The following IGSF10 variants were observed in gnomAD, a reference collection of about 807,000 sequenced individuals.
IGSF10 encodes immunoglobulin superfamily member 10, also known as calvaria mechanical force protein 608.
A neutral mutation model predicts 128.2 loss-of-function variants in IGSF10; 126 were observed. That is an observed-to-expected ratio of 0.98 (90% CI 0.85 to 1.14). IGSF10 has a LOEUF of 1.14. Among genes scored for constraint, IGSF10 ranks in the 50% most tolerant of loss-of-function variants. IGSF10 has a pLI of 0.00. For missense variants in IGSF10, 3,295 were observed against 3,149.8 expected, an observed-to-expected ratio of 1.05 and a Z score of -1.10; for synonymous variants, 1,185 against 1,146.2, an observed-to-expected ratio of 1.03 and a Z score of -0.68.
chr3:151,517,577 G>A, the IGSF10 span, among the ~76,000 whole-genome samples: 25 of 151,938 alleles, frequency 1.6e-4, no homozygotes, highest in Non-Finnish European at 4.4e-5. Context: ...TGTAACCTGT[G>A]AATGATATGC....
At chr3:151,583,343 C>T in the IGSF10 span, among the ~76,000 whole-genome samples, 3 of 152,138 alleles carry the variant, frequency 2.0e-5, no homozygotes, top group South Asian at 6.2e-4. Flanking sequence ...AGATTTTCCA[C>T]TAAGCATAGT....
At chr3:151,616,910 C>G in the IGSF10 span, among the ~76,000 whole-genome samples, 5 of 152,062 alleles carry the variant, frequency 3.3e-5, no homozygotes, top group Non-Finnish European at 5.9e-5. Flanking sequence ...CTGGTAAGGG[C>G]CTTTTTACAG....
chr3:151,540,018 T>C, the IGSF10 span, among the ~76,000 whole-genome samples: 2 of 152,140 alleles, frequency 1.3e-5, no homozygotes, highest in Non-Finnish European at 2.9e-5. Context: ...TAGCTGGGCG[T>C]CAGTGGTGTC....
chr3:151,569,887 C>T, the IGSF10 span, among the ~76,000 whole-genome samples: 2 of 151,762 alleles, frequency 1.3e-5, no homozygotes, highest in South Asian at 4.2e-4. Flanking sequence ...TCCCCCATCC[C>T]CCCACCCCAT....
the IGSF10 span, among the ~76,000 whole-genome samples, chr3:151,523,624 T>C: frequency 6.6e-6 from 1 of 152,136 alleles, no homozygotes; most frequent in African/African-American, 2.4e-5. Flanking sequence ...ATGCAGAAGA[T>C]TGAAGCCGGA....
chr3:151,485,871 C>T, the IGSF10 span, among the ~76,000 whole-genome samples: 3 of 152,160 alleles, frequency 2.0e-5, no homozygotes, highest in Admixed American at 2.0e-4. Flanking sequence ...AGACCATCCA[C>T]ACTATGAAGA....
In IGSF10 at chr3:151,447,792, C is replaced by T. The variant is rs1220357536; in HGVS notation, c.2189G>A (p.Gly730Glu). 6.2e-7 allele frequency: 1 copy of T among 1,614,034 alleles called. No homozygotes were observed. Among genetic ancestry groups the T allele is most frequent in the African/African-American group, 1.3e-5 (1 of 74,908 alleles). ...CCTAAAACGTCGATGTGTTGAATCT[C>T]CACGTCGCTGGAGTGTTAATTCCCG... is the stretch of plus-strand genomic sequence containing the variant. ...NYRELTLQRRGDSTHRRFREN... is the reference protein window; with the variant it reads ...NYRELTLQRREDSTHRRFREN... Residue 730 changes from glycine (G) to glutamate (E), a missense_variant, in exon 6 of 8, where the codon GGA (glycine) becomes GAA (glutamate). Physicochemically the swap from Gly to Glu is moderately conservative, Grantham distance 98. Transcript: ENST00000282466.
At chr3:151,574,122 C>T in the IGSF10 span, among the ~76,000 whole-genome samples, 9 of 152,098 alleles carry the variant, frequency 5.9e-5, no homozygotes, top group South Asian at 2.1e-4. Flanking sequence ...GTGGGTAACC[C>T]GACCTTTCTC....
chr3:151,456,989 AC>A (rs1560182793), intron 4 of IGSF10, 36 bp downstream of exon 4: 1 of 1,612,562 alleles, frequency 6.2e-7, no homozygotes, highest in Non-Finnish European at 8.5e-7. Flanking sequence ...GTCCCACCTT[AC>A]CTCTTTAACC....
chr3:151,523,995 G>A, the IGSF10 span, among the ~76,000 whole-genome samples: 37 of 152,158 alleles, frequency 2.4e-4, no homozygotes, highest in African/African-American at 8.7e-4. Flanking sequence ...CGTGGCAAAG[G>A]ACATGAACAT....
At chr3:151,513,751 CT>C in the IGSF10 span, among the ~76,000 whole-genome samples, 1 of 152,174 alleles carries the variant, frequency 6.6e-6, no homozygotes, top group East Asian at 1.9e-4. Flanking sequence ...TCTCTTTAAG[CT>C]GATAAGCAAC....
chr3:151,556,797 C>G, the IGSF10 span, among the ~76,000 whole-genome samples: 3 of 152,050 alleles, frequency 2.0e-5, no homozygotes, highest in Non-Finnish European at 4.4e-5. Flanking sequence ...AGGATAAGTT[C>G]CTGTTTTCAT....
At chr3:151,533,259 C>T in the IGSF10 span, among the ~76,000 whole-genome samples, 55 of 152,268 alleles carry the variant, frequency 3.6e-4, no homozygotes, top group East Asian at 7.7e-3. Flanking sequence ...AGATTCAGTG[C>T]TATCCCCATC....
chr3:151,605,429 T>C, the IGSF10 span, among the ~76,000 whole-genome samples: 6 of 152,212 alleles, frequency 3.9e-5, no homozygotes, highest in Non-Finnish European at 8.8e-5. Flanking sequence ...CACACTGTTA[T>C]ATATGATATA....
chr3:151,446,844 G>A lies in IGSF10; in HGVS notation c.3137C>T (p.Ser1046Phe), dbSNP rs749030010. 1.2e-6 allele frequency: 2 copies of A among 1,614,164 alleles called. No individual in the cohort carries two copies. The highest frequency in any genetic ancestry group is 1.1e-5 in the South Asian group (1 of 91,082). Residue 1046 changes from serine to phenylalanine, a missense_variant, in exon 6 of 8, where the codon TCT becomes TTT. Coordinates refer to ENST00000282466, the MANE Select transcript of IGSF10 (RefSeq NM_178822.5). ...GAATGCAGTAGTGCTTTTTTCAGAA[G>A]AACCTCTGGTTGTTGACCTGAAAAT... Reference protein sequence around the residue: ...YSIFRSTTRGSSEKSTTAFSA... With the variant: ...YSIFRSTTRGFSEKSTTAFSA...
rs770475088 is a variant in IGSF10 at position 151,449,044 on chromosome 3, A to G, written c.937T>C (p.Phe313Leu). The G allele has an allele frequency of 6.2e-6, 10 of 1,614,128 alleles. No individual in the cohort carries two copies. The South Asian group carries it at 7.7e-5, about 12-fold the overall frequency. The change falls in exon 6 of 8, where the codon TTT becomes CTT. Residue 313 changes from phenylalanine (F) to leucine (L), a missense_variant. Transcript: ENST00000282466. ...GTCATATTCAAAGTGAGGGAGCCAAAGGGTGCCATGAAACCTTGGGGAGAG... is the reference window on the plus strand; with the variant it reads ...GTCATATTCAAAGTGAGGGAGCCAAGGGGTGCCATGAAACCTTGGGGAGAG... ...FISPQGFMAPFGSLTLNMTDQ... is the reference protein window; with the variant it reads ...FISPQGFMAPLGSLTLNMTDQ...
At chr3:151,488,325 C>A in the IGSF10 span, among the ~76,000 whole-genome samples, 1 of 151,286 alleles carries the variant, frequency 6.6e-6, no homozygotes, top group Non-Finnish European at 1.5e-5. Context: ...TAAGAGAGGA[C>A]ACAAACAAAT....
At chr3:151,481,104 AC>A in the IGSF10 span, among the ~76,000 whole-genome samples, 5 of 151,850 alleles carry the variant, frequency 3.3e-5, no homozygotes, top group East Asian at 1.9e-4. Context: ...ATGGTGCCTG[AC>A]CCCCCAGAGA....
chr3:151,458,032 T>A (rs1721881543), intron 3 of IGSF10, among the ~76,000 whole-genome samples: 1 of 152,136 alleles, frequency 6.6e-6, no homozygotes. Flanking sequence ...AATACAGTCA[T>A]ATTTTTAAAA....
Sources: allele counts gnomAD v4.1 joint callset (sites outside exome capture counted in the v4.1 genomes callset), GRCh38; gene constraint gnomAD v4.1.1; transcripts MANE v1.5; gene names NCBI Gene and HGNC (gene_info 2026-07-23, HGNC 2026-07-21).